The following HDHD2 variants were observed in gnomAD, a reference collection of about 807,000 sequenced individuals.
HDHD2 encodes haloacid dehalogenase-like hydrolase domain-containing protein 2.
A neutral mutation model predicts 24.8 loss-of-function variants in HDHD2; 26 were observed. The ratio of observed to expected loss-of-function variants is 1.05; its 90% CI spans 0.77 to 1.45. The LOEUF is 1.45. Ranked by LOEUF, HDHD2 falls within the 40% of genes most tolerant of loss-of-function variation. HDHD2 has a pLI of 0.00. For missense variants in HDHD2, 299 were observed against 313.4 expected (o/e 0.95, Z 0.35); for synonymous variants, 128 against 114.9 (o/e 1.11, Z -0.73).
intron 4 of HDHD2, among the ~76,000 whole-genome samples, chr18:47,128,830 T>C (rs1361958795): frequency 6.6e-6 from 1 of 152,220 alleles, no homozygotes; most frequent in African/African-American, 2.4e-5. Context: ...GCAGTCATTT[T>C]CAAGATGAAC....
intron 6 of HDHD2, chr18:47,110,059 C>T (rs920825725): frequency 5.2e-5 from 51 of 985,342 alleles, no homozygotes; most frequent in Non-Finnish European, 5.9e-5. Flanking sequence ...CTTGCTCTCT[C>T]ATCCCTTTGT....
chr18:47,139,464 C>CAAA (rs760347919), intron 1 of HDHD2, among the ~76,000 whole-genome samples: 33 of 50,472 alleles, frequency 6.5e-4, no homozygotes, highest in African/African-American at 1.2e-3. Context: ...GACTCTGTCT[C>CAAA]AAAAAAAAAA....
intron 5 of HDHD2, 48 bp downstream of exon 5, chr18:47,115,084 C>T: frequency 7.0e-7 from 1 of 1,427,638 alleles, no homozygotes; most frequent in South Asian, 1.2e-5. Flanking sequence ...GCTGGCTTTC[C>T]CAGCACAACA....
intron 1 of HDHD2, among the ~76,000 whole-genome samples, chr18:47,137,964 C>A (rs1251512079): frequency 2.0e-5 from 3 of 151,082 alleles, no homozygotes; most frequent in Non-Finnish European, 4.4e-5. Flanking sequence ...GTCAGGAGTT[C>A]GAGACCAGCG....
At position 47,113,018 on chromosome 18, in the gene HDHD2, C is replaced by G; in HGVS notation, c.635G>C (p.Gly212Ala). Residue 212 changes from glycine to alanine, a missense_variant, in exon 6 of 7, where the codon GGG becomes GCG. Transcript: ENST00000300605. ...IGDDCRDDVG[G>A]AQDVGMLGIL... ...GCCCAGCATGCCGACATCTTGAGCCCCACCAACATCATCCCTGCAATCCTA... is the reference window on the plus strand; with the variant it reads ...GCCCAGCATGCCGACATCTTGAGCCGCACCAACATCATCCCTGCAATCCTA... The G allele has an allele frequency of 6.2e-7, 1 of 1,614,128 alleles. No individual in the cohort carries two copies.
At position 47,130,244 on chromosome 18, in the gene HDHD2, C is replaced by A. The variant is rs768638895; in HGVS notation, c.395G>T (p.Arg132Leu). ...ATGAAAAATAAATAGCTAGGTTTAC[C>A]GGAATGCTTGATTCAGAATTTGATA... ...FHYQILNQAF[R>L]LLLDGAPLIA... is the part of the protein sequence containing the mutation. The change falls in exon 4 of 7, where the codon CGG becomes CTG. Residue 132 changes from arginine to leucine, a missense_variant and splice_region_variant. Arg to Leu is a moderately radical substitution (Grantham distance 102). Coordinates refer to ENST00000300605, the MANE Select transcript of HDHD2 (RefSeq NM_032124.5). 6.4e-7 allele frequency: 1 copy of A among 1,563,994 alleles called. No homozygotes were observed. Among genetic ancestry groups the A allele is most frequent in the East Asian group, 2.3e-5 (1 of 44,412 alleles).
rs2063486704 is a variant in HDHD2, at chr18:47,107,868, A to C, written c.*814T>G. 6.6e-6 allele frequency: 1 copy of C among 152,636 alleles called. No homozygotes were observed. The highest frequency in any genetic ancestry group is 2.4e-5 in the African/African-American group (1 of 41,454). The allele number at this position is 152,636 out of a possible 1,614,324, so 9.5% of individuals were successfully genotyped here. On this transcript the variant is annotated 3_prime_UTR_variant, in exon 7 of 7. Transcript: ENST00000300605. Reference sequence around the variant, plus strand: ...ACTTCAAAAATGCATGGTCTATAAGATATTATAAGGCTTGATTCTAGTTTC... The same window carrying C: ...ACTTCAAAAATGCATGGTCTATAAGCTATTATAAGGCTTGATTCTAGTTTC...
intron 4 of HDHD2, among the ~76,000 whole-genome samples, chr18:47,123,499 A>G (rs1316457466): frequency 2.0e-5 from 3 of 152,178 alleles, no homozygotes; most frequent in African/African-American, 7.2e-5. Context: ...AGGCAGAAGA[A>G]TCGCTTGAAC....
intron 4 of HDHD2, among the ~76,000 whole-genome samples, chr18:47,125,270 T>C (rs1006675957): frequency 6.6e-6 from 1 of 152,228 alleles, no homozygotes; most frequent in Non-Finnish European, 1.5e-5. Flanking sequence ...GCATTGGAAC[T>C]CTCATTTGTA....
At chr18:47,135,527 C>A (rs936456775) in intron 2 of HDHD2, among the ~76,000 whole-genome samples, 8 of 152,270 alleles carry the variant, frequency 5.3e-5, no homozygotes, top group African/African-American at 1.9e-4. Context: ...TCCCAAAGTG[C>A]TGGGATTACA....
At chr18:47,137,348 C>G (rs2063775891) in intron 1 of HDHD2, 2 of 345,252 alleles carry the variant, frequency 5.8e-6, no homozygotes, top group Non-Finnish European at 5.5e-6. Flanking sequence ...TCTTACAGAC[C>G]AAGCTTACAT....
chr18:47,133,748 T>C (rs1172632855), intron 3 of HDHD2, among the ~76,000 whole-genome samples: 1 of 152,182 alleles, frequency 6.6e-6, no homozygotes, highest in Non-Finnish European at 1.5e-5. Flanking sequence ...GAGCATTTTT[T>C]CATGTGTCTT....
rs201270464 is a variant in HDHD2, at chr18:47,135,720, AT to A, written c.101+618del. The stretch of plus-strand genomic sequence containing the variant: ...TTATTGGTTCTGTTGTGATTAGTTG[AT>A]TTTTTTTTCAGGACACCCAGAAGCA... On this transcript the variant is annotated intron_variant, in intron 2 of 6. Transcript: ENST00000300605. Among the ~76,000 whole-genome samples the A allele has an allele frequency of 4.6e-5, 7 of 151,492 alleles. No individual in the cohort carries two copies. The East Asian group carries it at 5.8e-4, about 13-fold the overall frequency.
chr18:47,144,825 GAAAA>G (rs1568063419), intron 1 of HDHD2, among the ~76,000 whole-genome samples: 1 of 143,288 alleles, frequency 7.0e-6, no homozygotes, highest in African/African-American at 2.6e-5. Context: ...GAAAAGAAAA[GAAAA>G]AAAGAAAAAA....
intron 3 of HDHD2, among the ~76,000 whole-genome samples, chr18:47,133,657 T>A (rs964490209): frequency 6.6e-6 from 1 of 152,120 alleles, no homozygotes; most frequent in African/African-American, 2.4e-5. Context: ...TCCTGTCTTT[T>A]TAATGATCGC....
chr18:47,113,876 T>C (rs1182493399), intron 5 of HDHD2, among the ~76,000 whole-genome samples: 1 of 152,072 alleles, frequency 6.6e-6, no homozygotes, highest in Admixed American at 6.6e-5. Flanking sequence ...AAACTTGCCC[T>C]GTTGAAGAGT....
chr18:47,126,527 A>C lies in HDHD2; in HGVS notation c.395+3717T>G, dbSNP rs114499635. ...TGCACATCTCTAAGACTTTTGGAGG[A>C]CTCTCAAACTCTACAGCAATTATGG... On this transcript the variant is annotated intron_variant, in intron 4 of 6. Transcript: ENST00000300605. Among the ~76,000 whole-genome samples, 1,487 of 152,236 alleles carry C rather than the reference A, an allele frequency of 9.8e-3. 15 individuals are homozygous for C. Among genetic ancestry groups the C allele is most frequent in the Middle Eastern group, 0.061 (18 of 294 alleles).
chr18:47,136,245 T>G, intron 2 of HDHD2, 94 bp downstream of exon 2: 2 of 1,489,098 alleles, frequency 1.3e-6, no homozygotes, highest in Admixed American at 3.9e-5. Context: ...GATGGTAAAA[T>G]GCCATCTTAA....
At chr18:47,131,969 C>T (rs1434668077) in intron 3 of HDHD2, among the ~76,000 whole-genome samples, 1 of 152,108 alleles carries the variant, frequency 6.6e-6, no homozygotes, top group Non-Finnish European at 1.5e-5. Flanking sequence ...TTCACTTAAT[C>T]GTCTTTTCAT....
Sources: gnomAD v4.1 joint callset for allele counts (sites outside exome capture counted in the v4.1 genomes callset) on GRCh38, gnomAD v4.1.1 for gene constraint, MANE v1.5 for transcripts, NCBI Gene and HGNC (gene_info 2026-07-23, HGNC 2026-07-21) for gene names.